DNAH9: variants seen among roughly 807,000 people sequenced by gnomAD.
The protein encoded by DNAH9 is DNAH9 variant protein.
Under a neutral mutation model 471.6 loss-of-function variants are expected in DNAH9, and 345 were observed. The ratio of observed to expected loss-of-function variants is 0.73; its 90% CI spans 0.67 to 0.80. DNAH9 has a LOEUF of 0.80. Among genes scored for constraint, DNAH9 ranks in the 30% least tolerant of loss-of-function variants. DNAH9 has a pLI of 0.00. For missense variants in DNAH9, 5,407 were observed against 5,609.2 expected, an observed-to-expected ratio of 0.96 and a Z score of 1.15; for synonymous variants, 2,093 against 2,123.6, an observed-to-expected ratio of 0.99 and a Z score of 0.40.
chr17:11,850,963 A>G (rs78281485), intron 49 of DNAH9, among the ~76,000 whole-genome samples: 71 of 152,350 alleles, frequency 4.7e-4, no homozygotes, highest in African/African-American at 1.7e-3. Context: ...CAGTAAGTCA[A>G]CAAGGAAAAA....
At chr17:11,643,860 T>G (rs1183600947) in intron 10 of DNAH9, among the ~76,000 whole-genome samples, 1 of 152,196 alleles carries the variant, frequency 6.6e-6, no homozygotes, top group Non-Finnish European at 1.5e-5. Context: ...TGCAGGCAAT[T>G]GTAGCACTAT....
At chr17:11,916,011 T>C (rs1374114891) in intron 61 of DNAH9, among the ~76,000 whole-genome samples, 2 of 152,184 alleles carry the variant, frequency 1.3e-5, no homozygotes, top group Admixed American at 6.5e-5. Context: ...ACGAACAAAT[T>C]AATGTTAGCA....
intron 17 of DNAH9, among the ~76,000 whole-genome samples, chr17:11,672,771 C>T (rs549377257): frequency 7.7e-4 from 117 of 152,298 alleles, no homozygotes; most frequent in Non-Finnish European, 1.4e-3. Context: ...CTACCTACAT[C>T]TCTTCTGCAT....
At chr17:11,842,409 G>A (rs1375381559) in intron 49 of DNAH9, among the ~76,000 whole-genome samples, 1 of 152,206 alleles carries the variant, frequency 6.6e-6, no homozygotes, top group Non-Finnish European at 1.5e-5. Flanking sequence ...TAGAGGGACA[G>A]AACTAATAGG....
chr17:11,706,871 G>T (rs1160095857), intron 26 of DNAH9, among the ~76,000 whole-genome samples: 1 of 152,212 alleles, frequency 6.6e-6, no homozygotes, highest in Non-Finnish European at 1.5e-5. Context: ...GAAAACTCAA[G>T]ATATGTTCCT....
chr17:11,825,165 G>A (rs1365141034), intron 48 of DNAH9, among the ~76,000 whole-genome samples: 1 of 152,088 alleles, frequency 6.6e-6, no homozygotes, highest in African/African-American at 2.4e-5. Context: ...CTAGGTCCTA[G>A]GAGTTTACCT....
At chr17:11,846,477 G>C (rs1971229294) in intron 49 of DNAH9, among the ~76,000 whole-genome samples, 2 of 150,844 alleles carry the variant, frequency 1.3e-5, no homozygotes, top group South Asian at 4.2e-4. Flanking sequence ...GATTGACTTG[G>C]CGATGCGGGC....
chr17:11,793,223 C>T (rs1027369422), intron 41 of DNAH9, among the ~76,000 whole-genome samples: 1 of 152,190 alleles, frequency 6.6e-6, no homozygotes, highest in African/African-American at 2.4e-5. Context: ...TCACATGCCT[C>T]GCCCAAAGTC....
Position 11,962,382 on chromosome 17 carries a change from T to C in DNAH9, c.13233+126T>C. 1 of 1,409,020 alleles carries C rather than the reference T, an allele frequency of 7.1e-7. No homozygotes were observed. The highest frequency in any genetic ancestry group is 2.8e-5 in the Admixed American group (1 of 35,866). The allele number at this position is 1,409,020 out of a possible 1,614,324, so 87.3% of individuals were successfully genotyped here. On this transcript the variant is annotated intron_variant, in intron 68 of 68. Coordinates refer to ENST00000262442, the MANE Select transcript of DNAH9 (RefSeq NM_001372.4). The surrounding 1 kb of genome is among the most constrained non-coding windows in gnomAD (Gnocchi z 4.1). ...TTTTCTCTAGCTAACCTTCTTTCCT[T>C]GAGGCCATCAGGCCATTTTTATTTA... is the stretch of plus-strand genomic sequence containing the variant.
intron 67 of DNAH9, among the ~76,000 whole-genome samples, chr17:11,958,445 A>C (rs1567577463): frequency 6.6e-6 from 1 of 152,236 alleles, no homozygotes; most frequent in Non-Finnish European, 1.5e-5. Context: ...AAAATGGTGG[A>C]TACGTGGCAT....
At chr17:11,875,407 G>A (rs1384241544) in intron 53 of DNAH9, among the ~76,000 whole-genome samples, 2 of 152,058 alleles carry the variant, frequency 1.3e-5, no homozygotes, top group African/African-American at 2.4e-5. Context: ...ACAACCTCTC[G>A]ACCCATTCTG....
rs1222008543 is a variant in DNAH9 at position 11,932,136 on chromosome 17, C to T, written c.12228C>T (p.Tyr4076=). 3 of 1,614,116 alleles carry T rather than the reference C, an allele frequency of 1.9e-6. No homozygotes were observed. Among genetic ancestry groups the T allele is most frequent in the South Asian group, 2.2e-5 (2 of 91,066 alleles). The part of the protein sequence containing the change: ...KFGPQGWNRS[Y]PFNTGDLTIS... ...GGCCCCAGGGATGGAATCGCTCATA[C>T]CCCTTTAACACTGGAGACCTCACTA... The change falls in exon 64 of 69, where the codon TAC becomes TAT. Residue 4076 remains tyrosine, a synonymous_variant. Coordinates refer to ENST00000262442, the MANE Select transcript of DNAH9 (RefSeq NM_001372.4). This position sits in a 1 kb window ranked among gnomAD's most constrained non-coding sequence, Gnocchi z 4.3.
At chr17:11,939,969 T>G (rs1395637435) in intron 66 of DNAH9, among the ~76,000 whole-genome samples, 6 of 152,118 alleles carry the variant, frequency 3.9e-5, no homozygotes, top group Admixed American at 3.9e-4. Flanking sequence ...AATAGAGTTA[T>G]GTACACTGAA....
chr17:11,627,396 G>A (rs766234370), intron 6 of DNAH9, among the ~76,000 whole-genome samples: 2 of 152,076 alleles, frequency 1.3e-5, no homozygotes, highest in Non-Finnish European at 2.9e-5. Context: ...ATATCACAAC[G>A]CATCTACCTT....
At chr17:11,685,467 C>T (rs2074225614) in intron 19 of DNAH9, among the ~76,000 whole-genome samples, 2 of 152,120 alleles carry the variant, frequency 1.3e-5, no homozygotes. Context: ...TAAAGACCAC[C>T]TTCTCATGGC....
At chr17:11,801,015 C>T (rs185402509) in intron 43 of DNAH9, among the ~76,000 whole-genome samples, 20 of 152,260 alleles carry the variant, frequency 1.3e-4, no homozygotes, top group Admixed American at 9.8e-4. Flanking sequence ...GCATTTAAAA[C>T]GACATGTAGC....
At chr17:11,722,566 G>A (rs891188990) in intron 27 of DNAH9, among the ~76,000 whole-genome samples, 3 of 152,178 alleles carry the variant, frequency 2.0e-5, no homozygotes, top group African/African-American at 7.2e-5. Flanking sequence ...AGCAAAGGGA[G>A]AGGTTGAAGA....
chr17:11,804,241 A>G (rs1969576346), intron 43 of DNAH9, among the ~76,000 whole-genome samples: 1 of 152,242 alleles, frequency 6.6e-6, no homozygotes, highest in African/African-American at 2.4e-5. Flanking sequence ...AAAATTACTG[A>G]ATGTAGGTCA....
At chr17:11,649,127 CAAA>C (rs34813249) in intron 12 of DNAH9, among the ~76,000 whole-genome samples, 12 of 124,726 alleles carry the variant, frequency 9.6e-5, no homozygotes, top group Non-Finnish European at 1.2e-4. Context: ...AACTCCATCT[CAAA>C]AAAAAAAAAA....
Sources: allele counts gnomAD v4.1 joint callset (sites outside exome capture counted in the v4.1 genomes callset), GRCh38; gene constraint gnomAD v4.1.1; non-coding constraint Gnocchi (gnomAD v3.1); transcripts MANE v1.5; gene names NCBI Gene and HGNC (gene_info 2026-07-23, HGNC 2026-07-21).